The following RIPOR2 variants were observed in gnomAD, a reference collection of about 807,000 sequenced individuals.
RIPOR2 encodes rho family-interacting cell polarization regulator 2.
A neutral mutation model predicts 114.5 loss-of-function variants in RIPOR2; 39 were observed. The ratio of observed to expected loss-of-function variants is 0.34; its 90% CI spans 0.26 to 0.44. RIPOR2 has a LOEUF of 0.44. RIPOR2 is among the 20% of genes least tolerant of loss of function. The pLI is 1.00. For synonymous variants in RIPOR2, 445 were observed against 484.4 expected, an observed-to-expected ratio of 0.92 and a Z score of 1.07; for missense variants, 1,007 against 1,255.1, an observed-to-expected ratio of 0.80 and a Z score of 2.99.
intron 1 of RIPOR2, among the ~76,000 whole-genome samples, chr6:24,992,944 G>A (rs1430900427): frequency 6.6e-6 from 1 of 152,144 alleles, no homozygotes; most frequent in East Asian, 1.9e-4. Context: ...AGCAAACAAA[G>A]TGCCACCAGG....
At chr6:24,941,822 C>A (rs1291765003) in intron 1 of RIPOR2, among the ~76,000 whole-genome samples, 1 of 152,076 alleles carries the variant, frequency 6.6e-6, no homozygotes, top group Non-Finnish European at 1.5e-5. Context: ...ACAGTCTGCC[C>A]CTCCTCCCCT....
intron 1 of RIPOR2, among the ~76,000 whole-genome samples, chr6:24,905,092 G>A (rs1214709353): frequency 1.3e-5 from 2 of 152,088 alleles, no homozygotes; most frequent in East Asian, 1.9e-4. Context: ...AGCTTCTTGA[G>A]TATAGGTTAG....
rs536698838 is a variant in RIPOR2, at chr6:24,833,597, C to A, written c.2209-1206G>T. ...CCCTTCCTGTGAGTAAATACAATAG[C>A]AATGAACTGCTTTATTTTGAAAATA... On this transcript the variant is annotated intron_variant, in intron 15 of 21. Coordinates refer to ENST00000643898, the MANE Select transcript of RIPOR2 (RefSeq NM_001286445.3). Among the ~76,000 whole-genome samples the A allele has an allele frequency of 8.5e-5, 13 of 152,164 alleles. No homozygotes were observed. In the South Asian group the frequency reaches 2.3e-3, roughly 27 times the overall value.
In RIPOR2 at chr6:24,858,058, C is replaced by T. The variant is rs1011045833; in HGVS notation, c.715+2915G>A. On this transcript the variant is annotated intron_variant, in intron 8 of 21. Coordinates refer to ENST00000643898, the MANE Select transcript of RIPOR2 (RefSeq NM_001286445.3). The surrounding 1 kb of genome is among the most constrained non-coding windows in gnomAD (Gnocchi z 4.0). ...CACTGGGATGCCTTCCTCTTTCCTG[C>T]TCCTCTCCCCAACTAGAGAGGTGAG... Among the ~76,000 whole-genome samples, 13 of 152,228 alleles carry T rather than the reference C, an allele frequency of 8.5e-5. No individual in the cohort carries two copies. Among genetic ancestry groups the T allele is most frequent in the African/African-American group, 2.9e-4 (12 of 41,460 alleles).
chr6:24,916,119 C>T (rs1178190790), intron 1 of RIPOR2, among the ~76,000 whole-genome samples: 1 of 152,240 alleles, frequency 6.6e-6, no homozygotes, highest in African/African-American at 2.4e-5. Context: ...TTGGCTCTAA[C>T]ATTTGACAAT....
At chr6:24,973,550 T>C (rs1372319922) in intron 1 of RIPOR2, among the ~76,000 whole-genome samples, 1 of 147,538 alleles carries the variant, frequency 6.8e-6, no homozygotes, top group Non-Finnish European at 1.5e-5. Context: ...GGAGCTGAGA[T>C]CACACCACTG....
Position 24,809,780 on chromosome 6 carries a change from T to A in RIPOR2, c.2980A>T (p.Thr994Ser). 6.4e-7 allele frequency: 1 copy of A among 1,550,756 alleles called. No individual in the cohort carries two copies. The highest frequency in any genetic ancestry group is 8.7e-7 in the Non-Finnish European group (1 of 1,146,126). The part of the protein sequence containing the change: ...EATESIKMLV[T>S]LCQSDTEEIR... ...TCTTCAGTATCAGATTGACACAATG[T>A]CACCAGCATTTTAATGCTTTCAGTA... is the stretch of plus-strand genomic sequence containing the variant. Residue 994 changes from threonine to serine, a missense_variant, in exon 21 of 22, where the codon ACA (threonine) becomes TCA (serine). Thr to Ser is a moderately conservative substitution (Grantham distance 58, BLOSUM62 1). Transcript: ENST00000643898.
chr6:24,844,480 T>A (rs924369920), intron 12 of RIPOR2, among the ~76,000 whole-genome samples: 3 of 152,222 alleles, frequency 2.0e-5, no homozygotes, highest in Admixed American at 2.0e-4. Context: ...TTTCTTTTTT[T>A]TTTTTTTGAG....
chr6:24,976,459 G>A (rs1164393148), intron 1 of RIPOR2: 17 of 1,569,228 alleles, frequency 1.1e-5, no homozygotes, highest in Non-Finnish European at 1.4e-5. Flanking sequence ...GCCGTCGACG[G>A]TGAGCCCTTG....
intron 1 of RIPOR2, among the ~76,000 whole-genome samples, chr6:24,884,738 T>C (rs1233273920): frequency 2.0e-5 from 3 of 152,312 alleles, no homozygotes; most frequent in South Asian, 2.1e-4. Flanking sequence ...AAGGTTCAAT[T>C]GAAATCAAAG....
intron 1 of RIPOR2, among the ~76,000 whole-genome samples, chr6:25,012,171 A>C (rs1775799697): frequency 6.6e-6 from 1 of 152,194 alleles, no homozygotes; most frequent in Admixed American, 6.5e-5. Context: ...AGAAATTAAA[A>C]CCATAATGAG....
chr6:24,991,785 AG>A (rs1346239967), intron 1 of RIPOR2, among the ~76,000 whole-genome samples: 1 of 152,188 alleles, frequency 6.6e-6, no homozygotes, highest in Non-Finnish European at 1.5e-5. Context: ...AGGAAAAAAA[AG>A]AATAGCCTCC....
intron 1 of RIPOR2, among the ~76,000 whole-genome samples, chr6:25,026,836 G>A (rs79128885): frequency 0.011 from 1,601 of 152,302 alleles, 30 homozygotes; most frequent in African/African-American, 0.037. Flanking sequence ...AGAGGCTGAG[G>A]CCTGGGGGAA....
intron 8 of RIPOR2, among the ~76,000 whole-genome samples, chr6:24,860,324 A>G (rs1763948107): frequency 6.6e-6 from 1 of 152,258 alleles, no homozygotes; most frequent in South Asian, 2.1e-4. Flanking sequence ...TCAAGGGTAG[A>G]AAAAAAGGTA....
At chr6:24,822,314 T>G (rs2113653878) in intron 19 of RIPOR2, among the ~76,000 whole-genome samples, 1 of 152,294 alleles carries the variant, frequency 6.6e-6, no homozygotes, top group South Asian at 2.1e-4. Flanking sequence ...GGAACACAAA[T>G]ATTGTAACCA....
chr6:24,937,534 G>C (rs1369816653), upstream of RIPOR2, among the ~76,000 whole-genome samples: 3 of 152,046 alleles, frequency 2.0e-5, no homozygotes, highest in African/African-American at 7.2e-5. Context: ...TCTGGACAAG[G>C]GTTGCACTTA....
chr6:24,996,229 C>T (rs781426116), intron 1 of RIPOR2, among the ~76,000 whole-genome samples: 3 of 152,176 alleles, frequency 2.0e-5, no homozygotes, highest in African/African-American at 7.2e-5. Flanking sequence ...CTTTCACCAC[C>T]TGGATCCTAC....
At chr6:24,850,776 C>T in intron 9 of RIPOR2, 54 bp from the exon 10 acceptor site, 1 of 1,603,082 alleles carries the variant, frequency 6.2e-7, no homozygotes, top group South Asian at 1.1e-5. Context: ...TCTTCTCCAC[C>T]AGAACACCAA....
At chr6:24,852,269 AAAAT>A (rs1763034617) in intron 9 of RIPOR2, among the ~76,000 whole-genome samples, 1 of 152,094 alleles carries the variant, frequency 6.6e-6, no homozygotes, top group Non-Finnish European at 1.5e-5. Flanking sequence ...CTCAAAATAA[AAAAT>A]AAATAAGTAA....
Sources: allele counts gnomAD v4.1 joint callset (sites outside exome capture counted in the v4.1 genomes callset), GRCh38; gene constraint gnomAD v4.1.1; non-coding constraint Gnocchi (gnomAD v3.1); transcripts MANE v1.5; gene names NCBI Gene and HGNC (gene_info 2026-07-23, HGNC 2026-07-21).